The following HYCC2 variants were observed in gnomAD, a reference collection of about 807,000 sequenced individuals.
HYCC2 encodes hyccin PI4KA lipid kinase complex subunit 2, also known as hyccin 2.
chr2:200,979,470 A>C, the HYCC2 span: 1 of 152,586 alleles, frequency 6.6e-6, no homozygotes, highest in East Asian at 1.9e-4. Flanking sequence ...GTCTAACAGA[A>C]AGTCTCTTAG....
At chr2:200,990,107 T>C in the HYCC2 span, among the ~76,000 whole-genome samples, 1 of 152,158 alleles carries the variant, frequency 6.6e-6, no homozygotes, top group Non-Finnish European at 1.5e-5. Flanking sequence ...ATCAAGTAAA[T>C]ATTATATAAC....
chr2:201,063,324 TG>T, the HYCC2 span: 3 of 1,541,222 alleles, frequency 1.9e-6, no homozygotes, highest in Non-Finnish European at 2.7e-6. Flanking sequence ...CCACAGAAGG[TG>T]GATGGAAGAG....
the HYCC2 span, among the ~76,000 whole-genome samples, chr2:201,065,669 G>C: frequency 2.0e-5 from 3 of 152,342 alleles, no homozygotes; most frequent in South Asian, 6.2e-4. Flanking sequence ...CAGATGAAGC[G>C]TAAGGGTTAA....
At chr2:201,043,653 C>T in the HYCC2 span, among the ~76,000 whole-genome samples, 3 of 151,522 alleles carry the variant, frequency 2.0e-5, no homozygotes, top group East Asian at 1.9e-4. Flanking sequence ...GGACTACAGG[C>T]GCCTGCCACC....
At chr2:201,041,034 G>A in the HYCC2 span, among the ~76,000 whole-genome samples, 12 of 152,010 alleles carry the variant, frequency 7.9e-5, no homozygotes, top group African/African-American at 1.9e-4. Context: ...ACTCAAACCC[G>A]CTGTCCCTCA....
the HYCC2 span, among the ~76,000 whole-genome samples, chr2:200,991,851 A>G: frequency 1.3e-5 from 2 of 152,096 alleles, no homozygotes; most frequent in East Asian, 3.8e-4. Context: ...CAACACAGAA[A>G]GACCCTGTCC....
At chr2:201,044,025 C>T in the HYCC2 span, among the ~76,000 whole-genome samples, 1 of 152,162 alleles carries the variant, frequency 6.6e-6, no homozygotes, top group Non-Finnish European at 1.5e-5. Context: ...GGACTTGCAA[C>T]CTTTCTGTTT....
chr2:201,011,316 C>G, the HYCC2 span: 1 of 815,802 alleles, frequency 1.2e-6, no homozygotes, highest in South Asian at 2.0e-5. Context: ...GAATATTTAT[C>G]TCTGATAAGA....
the HYCC2 span, among the ~76,000 whole-genome samples, chr2:201,048,307 G>GA: frequency 7.3e-4 from 110 of 151,200 alleles, no homozygotes; most frequent in Middle Eastern, 3.4e-3. Context: ...CAAGAAATAG[G>GA]AAAAAAAACC....
At chr2:201,001,763 C>T in the HYCC2 span, among the ~76,000 whole-genome samples, 1 of 152,120 alleles carries the variant, frequency 6.6e-6, no homozygotes, top group Non-Finnish European at 1.5e-5. Flanking sequence ...ACCTCCGCCT[C>T]CTGGGTTCAA....
chr2:201,049,567 G>A, the HYCC2 span, among the ~76,000 whole-genome samples: 17 of 151,578 alleles, frequency 1.1e-4, no homozygotes, highest in Non-Finnish European at 1.2e-4. Flanking sequence ...GTTGGCCAGG[G>A]TGGTCTCGAT....
chr2:201,049,483 TG>T, the HYCC2 span, among the ~76,000 whole-genome samples: 2 of 150,782 alleles, frequency 1.3e-5, no homozygotes, highest in Admixed American at 1.3e-4. Flanking sequence ...CCCGAGTAGC[TG>T]GGAATACAGG....
At chr2:200,987,556 T>C in the HYCC2 span, 34 of 1,287,698 alleles carry the variant, frequency 2.6e-5, no homozygotes, top group Non-Finnish European at 3.4e-5. Context: ...TATAACATTT[T>C]AGTGCTTTTA....
At chr2:201,035,858 G>A in the HYCC2 span, among the ~76,000 whole-genome samples, 32 of 152,188 alleles carry the variant, frequency 2.1e-4, no homozygotes, top group Non-Finnish European at 2.6e-4. Context: ...GGAGTTTGCC[G>A]GAGGTCCACT....
At chr2:201,022,370 T>G in the HYCC2 span, 78 of 284,640 alleles carry the variant, frequency 2.7e-4, no homozygotes, top group South Asian at 2.3e-3. Context: ...TCTGATCCTT[T>G]TCAGGCTAAA....
chr2:201,049,117 C>CT, the HYCC2 span, among the ~76,000 whole-genome samples: 1 of 147,298 alleles, frequency 6.8e-6, no homozygotes, highest in South Asian at 2.1e-4. Context: ...GAGTAAGACT[C>CT]TGTCTTAAAA....
At chr2:201,012,398 T>C in the HYCC2 span, among the ~76,000 whole-genome samples, 182 of 152,022 alleles carry the variant, frequency 1.2e-3, no homozygotes, top group African/African-American at 4.1e-3. Flanking sequence ...GAGGTGGAAG[T>C]TGCAGTGAGC....
the HYCC2 span, chr2:200,974,800 A>T: frequency 6.6e-6 from 1 of 151,998 alleles, no homozygotes; most frequent in Non-Finnish European, 1.5e-5. Flanking sequence ...TGGGCTATAC[A>T]TTTTAAAAAA....
the HYCC2 span, among the ~76,000 whole-genome samples, chr2:201,068,920 C>A: frequency 1.3e-5 from 2 of 150,712 alleles, no homozygotes; most frequent in Non-Finnish European, 3.0e-5. Flanking sequence ...TTCTGGAAAT[C>A]AAAAAAAAGA....
Sources: allele counts gnomAD v4.1 joint callset (sites outside exome capture counted in the v4.1 genomes callset), GRCh38; gene constraint gnomAD v4.1.1; transcripts MANE v1.5; gene names NCBI Gene and HGNC (gene_info 2026-07-23, HGNC 2026-07-21).